The following TRPM2 variants were observed in gnomAD, a reference collection of about 807,000 sequenced individuals.
TRPM2 encodes the protein estrogen-responsive element-associated gene 1 protein.
A neutral mutation model predicts 174.0 loss-of-function variants in TRPM2; 161 were observed. That is an observed-to-expected ratio of 0.93 (90% CI 0.81 to 1.05). The LOEUF (loss-of-function observed/expected upper bound fraction) is 1.05, where lower values mean the gene tolerates loss of function less well. Among genes scored for constraint, TRPM2 ranks in the 50% least tolerant of loss-of-function variants. The probability of loss-of-function intolerance (pLI) is 0.00; values close to 1 mark genes in which losing one functional copy is unlikely to be tolerated. For missense variants in TRPM2, 2,057 were observed against 2,038.0 expected (o/e 1.01, Z -0.18); for synonymous variants, 954 against 861.3 (o/e 1.11, Z -1.88).
upstream of TRPM2, chr21:44,353,517 C>A (rs922066206): frequency 3.9e-6 from 3 of 775,576 alleles, no homozygotes; most frequent in Non-Finnish European, 5.5e-6. Context: ...TGAAGAGAAC[C>A]GGATGAGGGC....
At chr21:44,382,589 G>A in intron 8 of TRPM2, 129 bp from the exon 9 acceptor site, 2 of 739,232 alleles carry the variant, frequency 2.7e-6, no homozygotes, top group Admixed American at 2.2e-5. Flanking sequence ...AGATGTGGTG[G>A]TGTCCTGGCC....
intron 22 of TRPM2, among the ~76,000 whole-genome samples, chr21:44,420,318 T>C (rs1173225735): frequency 6.6e-6 from 1 of 152,084 alleles, no homozygotes; most frequent in Non-Finnish European, 1.5e-5. Context: ...GCTGGTGGGT[T>C]TGTGGGTTGT....
chr21:44,414,390 G>A (rs1837021415), intron 20 of TRPM2, among the ~76,000 whole-genome samples: 1 of 152,224 alleles, frequency 6.6e-6, no homozygotes, highest in Admixed American at 6.5e-5. Context: ...CGCAGGGCAG[G>A]GATGTTGGTG....
rs2049159244 is a variant in TRPM2 at position 44,391,108 on chromosome 21, C to T, written c.1440+83C>T. On this transcript the variant is annotated intron_variant, in intron 10 of 31. Transcript: ENST00000397928. This position sits in a 1 kb window ranked among gnomAD's most constrained non-coding sequence, Gnocchi z 5.0. ...CTGAAGCAAGGGCAGGCAAAGTTCG[C>T]ATTGTCTGGATCCCAGCCCTTCCCT... is the stretch of plus-strand genomic sequence containing the variant. 3 of 1,596,536 alleles carry T rather than the reference C, an allele frequency of 1.9e-6. No homozygotes were observed. Among genetic ancestry groups the T allele is most frequent in the Non-Finnish European group, 2.6e-6 (3 of 1,168,836 alleles).
At chr21:44,404,148 T>C (rs1003170386) in intron 16 of TRPM2, among the ~76,000 whole-genome samples, 1 of 150,458 alleles carries the variant, frequency 6.6e-6, no homozygotes, top group Non-Finnish European at 1.5e-5. Flanking sequence ...AACACACACA[T>C]ACAGACACAT....
chr21:44,369,206 A>T lies in TRPM2; in HGVS notation c.634A>T (p.Thr212Ser). ...GAWIITGGSH[T>S]GVMKQVGEAV... ...CTGGATCATCACAGGGGGGTCCCAC[A>T]CCGGCGTCATGAAGCAGGTAGGCGA... Residue 212 changes from threonine to serine, a missense_variant, in exon 5 of 32, where the codon ACC becomes TCC. Transcript: ENST00000397928. 1.2e-6 allele frequency: 2 copies of T among 1,612,712 alleles called. No individual in the cohort carries two copies. Among genetic ancestry groups the T allele is most frequent in the Non-Finnish European group, 1.7e-6 (2 of 1,179,542 alleles).
chr21:44,357,912 G>C (rs1370818221), intron 2 of TRPM2, among the ~76,000 whole-genome samples: 1 of 152,230 alleles, frequency 6.6e-6, no homozygotes, highest in African/African-American at 2.4e-5. Flanking sequence ...AGGATGGGAA[G>C]AGGGACCAGG....
At chr21:44,435,100 G>C (rs775282254) in intron 27 of TRPM2, 31 bp from the exon 28 acceptor site, 1 of 1,602,594 alleles carries the variant, frequency 6.2e-7, no homozygotes, top group African/African-American at 1.3e-5. Flanking sequence ...ATTGGTGGAC[G>C]GTGGACTGAC....
intron 5 of TRPM2, among the ~76,000 whole-genome samples, chr21:44,369,985 G>A (rs529042040): frequency 7.2e-6 from 1 of 138,120 alleles, no homozygotes; most frequent in Non-Finnish European, 1.5e-5. Flanking sequence ...TGTGGGTGAC[G>A]TCTGACCGGG....
intron 20 of TRPM2, among the ~76,000 whole-genome samples, chr21:44,417,029 G>T (rs112774281): frequency 1.0e-5 from 1 of 98,970 alleles, no homozygotes; most frequent in Admixed American, 1.1e-4. Context: ...CATCACAGTG[G>T]GCACGTGGGC....
intron 27 of TRPM2, among the ~76,000 whole-genome samples, chr21:44,434,775 G>A (rs998224393): frequency 1.3e-5 from 2 of 152,128 alleles, no homozygotes; most frequent in African/African-American, 2.4e-5. Context: ...ATGCTCTCGC[G>A]TGCTGGGGCC....
chr21:44,417,590 C>T lies in TRPM2; in HGVS notation c.3147-337C>T, dbSNP rs566463330. On this transcript the variant is annotated intron_variant, in intron 20 of 31. Coordinates refer to ENST00000397928, the MANE Select transcript of TRPM2 (RefSeq NM_003307.4). ...TCACAGTGGGCACGTGGGCGTGGCT[C>T]TGCTCTCTGTGGCATCACAGTGGGC... Among the ~76,000 whole-genome samples the T allele has an allele frequency of 2.7e-5, 3 of 110,066 alleles. No homozygotes were observed. The East Asian group carries it at 8.6e-4, about 31-fold the overall frequency. The allele number at this position is 110,066 out of a possible 152,430, so 72.2% of individuals were successfully genotyped here.
Position 44,425,654 on chromosome 21 carries a change from TC to T in TRPM2, c.3638-14del, listed in dbSNP as rs1180999946. ...CCGGGCTCCGCCTTGCGTCACGTCT[TC>T]CTGACTGTCCCCAGCCTCCCAGAAG... On this transcript the variant is annotated splice_polypyrimidine_tract_variant and intron_variant, in intron 24 of 31. Coordinates refer to ENST00000397928, the MANE Select transcript of TRPM2 (RefSeq NM_003307.4). 1 of 1,491,574 alleles carries T rather than the reference TC, an allele frequency of 6.7e-7. No individual in the cohort carries two copies. Among genetic ancestry groups the T allele is most frequent in the Non-Finnish European group, 9.0e-7 (1 of 1,109,782 alleles). 92.4% of individuals were successfully genotyped at this position (1,491,574 alleles called of 1,614,324 possible).
At chr21:44,404,132 CAT>C (rs1290711632) in intron 16 of TRPM2, among the ~76,000 whole-genome samples, 5 of 150,926 alleles carry the variant, frequency 3.3e-5, no homozygotes, top group South Asian at 2.1e-4. Flanking sequence ...TGAACATACA[CAT>C]ATGAACACAC....
intron 30 of TRPM2, among the ~76,000 whole-genome samples, chr21:44,440,207 C>T (rs187639158): frequency 4.0e-4 from 57 of 143,828 alleles, no homozygotes; most frequent in African/African-American, 1.2e-3. Flanking sequence ...CCTGATGGCG[C>T]ACACCTGTAA....
intron 28 of TRPM2, among the ~76,000 whole-genome samples, chr21:44,435,668 G>A (rs72497621): frequency 0.015 from 2,045 of 136,552 alleles, 35 homozygotes; most frequent in African/African-American, 0.038. Context: ...CCCATCCACG[G>A]GGACAGAGCC....
At position 44,390,991 on chromosome 21, in the gene TRPM2, G is replaced by C; in HGVS notation, c.1406G>C (p.Arg469Pro). 3 of 1,614,084 alleles carry C rather than the reference G, an allele frequency of 1.9e-6. No homozygotes were observed. In the South Asian group the frequency reaches 3.3e-5, roughly 18 times the overall value. ...AVAWNRVDIA[R>P]SEIFMDEWQW... ...GCATGGAATCGCGTGGACATTGCCC[G>C]CAGTGAGATCTTCATGGATGAGTGG... Residue 469 changes from arginine (R) to proline (P), a missense_variant, in exon 10 of 32, where the codon CGC becomes CCC. Transcript: ENST00000397928.
chr21:44,380,045 A>G (rs1249510494), intron 8 of TRPM2, among the ~76,000 whole-genome samples: 1 of 152,176 alleles, frequency 6.6e-6, no homozygotes, highest in Non-Finnish European at 1.5e-5. Flanking sequence ...GGACACACCT[A>G]TTTGGCCAGA....
chr21:44,385,684 A>G (rs2048998948), intron 9 of TRPM2, among the ~76,000 whole-genome samples: 1 of 152,240 alleles, frequency 6.6e-6, no homozygotes, highest in Non-Finnish European at 1.5e-5. Flanking sequence ...TTTATAAAGG[A>G]AAGAGGTTAA....
Sources: allele counts gnomAD v4.1 joint callset (sites outside exome capture counted in the v4.1 genomes callset), GRCh38; gene constraint gnomAD v4.1.1; non-coding constraint Gnocchi (gnomAD v3.1); transcripts MANE v1.5; gene names NCBI Gene and HGNC (gene_info 2026-07-23, HGNC 2026-07-21).